ANO6: variants seen among roughly 807,000 people sequenced by gnomAD.
ANO6 encodes the protein anoctamin 6, also known as anoctamin-6.
ANO6 carries 106 observed loss-of-function variants against 117.5 expected under a neutral mutation model. The observed-to-expected ratio is 0.90, with a 90% CI of 0.77 to 1.06. The LOEUF (loss-of-function observed/expected upper bound fraction) is 1.06, where lower values mean the gene tolerates loss of function less well. Ranked by LOEUF, ANO6 falls within the 50% of genes least tolerant of loss-of-function variation. The pLI is 0.00. For synonymous variants in ANO6, 367 were observed against 385.1 expected, an observed-to-expected ratio of 0.95 and a Z score of 0.55; for missense variants, 955 against 1,121.1, an observed-to-expected ratio of 0.85 and a Z score of 2.12.
chr12:45,320,959 T>C (rs566855136), intron 2 of ANO6, among the ~76,000 whole-genome samples: 1 of 152,262 alleles, frequency 6.6e-6, no homozygotes, highest in African/African-American at 2.4e-5. Context: ...TTTTTTGTTT[T>C]CCATTTGCTT....
In ANO6 at chr12:45,432,138, T is replaced by C; in HGVS notation, c.*2827T>C. 1 of 985,382 alleles carries C rather than the reference T, an allele frequency of 1.0e-6. No individual in the cohort carries two copies. Among genetic ancestry groups the C allele is most frequent in the Non-Finnish European group, 1.2e-6 (1 of 829,884 alleles). The allele number at this position is 985,382 out of a possible 1,614,324, so 61.0% of individuals were successfully genotyped here. On this transcript the variant is annotated 3_prime_UTR_variant, in exon 20 of 20. Transcript: ENST00000320560. ...CTTGTACCATTTTATGTTCATATTATGTTTGAGAGGGTAAAAATGTATGAG... is the reference window on the plus strand; with the variant it reads ...CTTGTACCATTTTATGTTCATATTACGTTTGAGAGGGTAAAAATGTATGAG...
intron 1 of ANO6, among the ~76,000 whole-genome samples, chr12:45,265,888 C>T (rs1462988762): frequency 6.6e-6 from 1 of 152,180 alleles, no homozygotes; most frequent in Non-Finnish European, 1.5e-5. Flanking sequence ...TTTCCCTGCC[C>T]CAGCTGGCAG....
chr12:45,428,683 T>C (rs1233811638), intron 19 of ANO6, among the ~76,000 whole-genome samples: 1 of 152,192 alleles, frequency 6.6e-6, no homozygotes, highest in East Asian at 1.9e-4. Context: ...TGTCAAACTT[T>C]TTAAAAAATA....
At chr12:45,393,737 G>T (rs1942524821) in intron 12 of ANO6, among the ~76,000 whole-genome samples, 1 of 152,124 alleles carries the variant, frequency 6.6e-6, no homozygotes, top group South Asian at 2.1e-4. Context: ...TTCATATCCA[G>T]CCAAACTAAG....
intron 1 of ANO6, among the ~76,000 whole-genome samples, chr12:45,295,350 A>C (rs935316384): frequency 6.6e-6 from 1 of 152,194 alleles, no homozygotes; most frequent in African/African-American, 2.4e-5. Context: ...AATCCTGTTA[A>C]ACTGAGGCCA....
At chr12:45,374,111 G>C (rs1346458242) in intron 9 of ANO6, among the ~76,000 whole-genome samples, 9 of 148,426 alleles carry the variant, frequency 6.1e-5, no homozygotes, top group African/African-American at 2.2e-4. Context: ...AGAAGAAATG[G>C]ATAAATTCCT....
intron 1 of ANO6, among the ~76,000 whole-genome samples, chr12:45,269,506 T>A (rs911049874): frequency 1.3e-5 from 2 of 152,192 alleles, no homozygotes; most frequent in African/African-American, 4.8e-5. Flanking sequence ...AGGAAAAACA[T>A]AATTTAGCAA....
intron 1 of ANO6, among the ~76,000 whole-genome samples, chr12:45,270,933 T>A (rs1395001990): frequency 1.3e-5 from 2 of 152,268 alleles, no homozygotes; most frequent in East Asian, 1.9e-4. Context: ...TTGACCTGGC[T>A]GGTCTTGAAC....
chr12:45,263,685 G>A (rs1938122409), intron 1 of ANO6, among the ~76,000 whole-genome samples: 1 of 152,128 alleles, frequency 6.6e-6, no homozygotes, highest in South Asian at 2.1e-4. Flanking sequence ...GCTGAGAAGT[G>A]AGTGTATCCA....
In ANO6 at chr12:45,432,258, ATAT is replaced by A. The variant is rs201831419; in HGVS notation, c.*2949_*2951del. 2.4e-3 allele frequency: 2,255 copies of A among 954,132 alleles called. 35 individuals are homozygous for A. The African/African-American group carries it at 0.036, about 15-fold the overall frequency. 59.1% of individuals were successfully genotyped at this position (954,132 alleles called of 1,614,324 possible). On this transcript the variant is annotated 3_prime_UTR_variant, in exon 20 of 20. Coordinates refer to ENST00000320560, the MANE Select transcript of ANO6 (RefSeq NM_001025356.3). ...TTAATGTTAATTTCTGTGCATTTTA[ATAT>A]TCTTTTATAATTATTAATGTTAATT...
At chr12:45,434,076 A>T (rs1943680104), downstream of ANO6, among the ~76,000 whole-genome samples, 2 of 152,204 alleles carry the variant, frequency 1.3e-5, no homozygotes, top group Admixed American at 6.5e-5. Context: ...CAACTGGAAG[A>T]TACGCCTGAG....
Position 45,274,581 on chromosome 12 carries a change from G to T in ANO6, c.71-27433G>T, listed in dbSNP as rs140570387. On this transcript the variant is annotated intron_variant, in intron 1 of 19. Transcript: ENST00000320560. ...CCACCATTCATGCACCTCTTGGTCT[G>T]AGTTCATAGAACAGTCACAGTGATC... Among the ~76,000 whole-genome samples the T allele has an allele frequency of 1.6e-3, 245 of 152,102 alleles. 3 individuals are homozygous for T. The highest frequency in any genetic ancestry group is 0.014 in the Middle Eastern group (4 of 294).
chr12:45,220,641 T>C (rs1009317350), intron 1 of ANO6, among the ~76,000 whole-genome samples: 2 of 152,216 alleles, frequency 1.3e-5, no homozygotes, highest in African/African-American at 2.4e-5. Context: ...TTGTGAAATA[T>C]ATAAGGCATT....
intron 3 of ANO6, among the ~76,000 whole-genome samples, chr12:45,345,481 C>G (rs1013453923): frequency 6.6e-6 from 1 of 152,168 alleles, no homozygotes; most frequent in African/African-American, 2.4e-5. Context: ...TGATCTCGAC[C>G]TGGACCTAGC....
rs963087536 is a variant in ANO6 at position 45,288,109 on chromosome 12, A to AGT, written c.71-13904_71-13903dup. Among the ~76,000 whole-genome samples, 63 of 152,298 alleles carry AGT rather than the reference A, an allele frequency of 4.1e-4. 1 individual carries two copies. Among genetic ancestry groups the AGT allele is most frequent in the African/African-American group, 1.5e-3 (63 of 41,574 alleles). ...CTCCCTAAAGGACAGCAGAGCATGT[A>AGT]GTAGGTCTCATTCCTGCTCACCCAT... On this transcript the variant is annotated intron_variant, in intron 1 of 19. Coordinates refer to ENST00000320560, the MANE Select transcript of ANO6 (RefSeq NM_001025356.3).
intron 16 of ANO6, among the ~76,000 whole-genome samples, chr12:45,410,632 G>A (rs1943063071): frequency 6.6e-6 from 1 of 151,782 alleles, no homozygotes; most frequent in African/African-American, 2.4e-5. Context: ...TTCAATTACA[G>A]TTTTTTTTAA....
At chr12:45,336,331 A>G (rs896236764) in intron 3 of ANO6, among the ~76,000 whole-genome samples, 4 of 152,076 alleles carry the variant, frequency 2.6e-5, no homozygotes, top group East Asian at 1.9e-4. Context: ...ATAGTATAGT[A>G]TAACTCAAAG....
chr12:45,216,564 G>A (rs1051608160), intron 1 of ANO6, among the ~76,000 whole-genome samples, 173 bp downstream of exon 1: 1 of 152,214 alleles, frequency 6.6e-6, no homozygotes, highest in African/African-American at 2.4e-5. Flanking sequence ...CTGAGGCCCC[G>A]GTGCGGCCCC....
chr12:45,391,129 T>A (rs12578617), intron 12 of ANO6, among the ~76,000 whole-genome samples: 2,416 of 151,174 alleles, frequency 0.016, 57 homozygotes, highest in East Asian at 0.098. Context: ...AAAAAAAAAA[T>A]AAATAAAATG....
Sources: gnomAD v4.1 joint callset for allele counts (sites outside exome capture counted in the v4.1 genomes callset) on GRCh38, gnomAD v4.1.1 for gene constraint, MANE v1.5 for transcripts, NCBI Gene and HGNC (gene_info 2026-07-23, HGNC 2026-07-21) for gene names.